ZMAT4: variants seen among roughly 807,000 people sequenced by gnomAD.
ZMAT4 encodes zinc finger matrin-type 4, also known as zinc finger matrin-type protein 4.
A neutral mutation model predicts 28.7 loss-of-function variants in ZMAT4; 17 were observed. That is an observed-to-expected ratio of 0.59 (90% CI 0.41 to 0.89). The LOEUF is 0.89. Among genes scored for constraint, ZMAT4 ranks in the 40% least tolerant of loss-of-function variants. The probability of loss-of-function intolerance (pLI) is 0.00; values close to 1 mark genes in which losing one functional copy is unlikely to be tolerated. For missense variants in ZMAT4, 240 were observed against 283.8 expected, an observed-to-expected ratio of 0.85 and a Z score of 1.11; for synonymous variants, 117 against 109.2, an observed-to-expected ratio of 1.07 and a Z score of -0.44.
In ZMAT4 at chr8:40,649,791, A is replaced by C. The variant is rs531902926; in HGVS notation, c.577+24913T>G. Reference sequence around the variant, plus strand: ...TAATCTCACTCAAAACCGCTCAACTACATGGAAACTGAACAACCTGCTCCT... The same window carrying C: ...TAATCTCACTCAAAACCGCTCAACTCCATGGAAACTGAACAACCTGCTCCT... On this transcript the variant is annotated intron_variant, in intron 5 of 6. Transcript: ENST00000297737. Among the ~76,000 whole-genome samples, 889 of 152,236 alleles carry C rather than the reference A, an allele frequency of 5.8e-3. 9 individuals are homozygous for C. Among genetic ancestry groups the C allele is most frequent in the African/African-American group, 0.02 (846 of 41,508 alleles).
At chr8:40,726,359 T>A (rs1344505723) in intron 3 of ZMAT4, among the ~76,000 whole-genome samples, 5 of 152,228 alleles carry the variant, frequency 3.3e-5, no homozygotes, top group African/African-American at 1.2e-4. Context: ...CAGAGGAGTG[T>A]AGCCAAACAT....
At chr8:40,876,119 A>T (rs1030747346) in intron 1 of ZMAT4, among the ~76,000 whole-genome samples, 2 of 152,124 alleles carry the variant, frequency 1.3e-5, no homozygotes, top group African/African-American at 4.8e-5. Flanking sequence ...AAAGAAATAC[A>T]GTTGACCTTT....
intron 2 of ZMAT4, among the ~76,000 whole-genome samples, chr8:40,817,389 G>A (rs190246064): frequency 2.0e-5 from 3 of 152,236 alleles, no homozygotes; most frequent in South Asian, 4.1e-4. Context: ...GAGAATAATG[G>A]ACAGGAAAGA....
chr8:40,848,546 C>G (rs779476688), intron 1 of ZMAT4, among the ~76,000 whole-genome samples: 1 of 152,114 alleles, frequency 6.6e-6, no homozygotes, highest in Admixed American at 6.5e-5. Flanking sequence ...GGGACACAGG[C>G]AGCAAGCTGT....
At chr8:40,865,088 A>G (rs1348581635) in intron 1 of ZMAT4, among the ~76,000 whole-genome samples, 5 of 152,166 alleles carry the variant, frequency 3.3e-5, no homozygotes, top group African/African-American at 1.2e-4. Context: ...TTGATGCAAG[A>G]TTCCCTTTAA....
At chr8:40,544,129 A>G (rs1803124798) in intron 6 of ZMAT4, among the ~76,000 whole-genome samples, 1 of 152,184 alleles carries the variant, frequency 6.6e-6, no homozygotes, top group Non-Finnish European at 1.5e-5. Flanking sequence ...CCTGGCCAGC[A>G]CTAATGAACT....
At chr8:40,797,724 C>T (rs1814657944) in intron 2 of ZMAT4, among the ~76,000 whole-genome samples, 2 of 152,150 alleles carry the variant, frequency 1.3e-5, no homozygotes, top group Non-Finnish European at 2.9e-5. Context: ...GTACAGCACT[C>T]GGTCCTCAGT....
intron 2 of ZMAT4, among the ~76,000 whole-genome samples, chr8:40,773,195 C>A (rs550058374): frequency 6.6e-6 from 1 of 152,222 alleles, no homozygotes; most frequent in South Asian, 2.1e-4. Flanking sequence ...ACTCCGTGTA[C>A]CTAGAATGAA....
intron 1 of ZMAT4, among the ~76,000 whole-genome samples, chr8:40,839,262 C>T (rs1052015729): frequency 6.6e-6 from 1 of 152,160 alleles, no homozygotes; most frequent in East Asian, 1.9e-4. Context: ...CAGAGGCTGG[C>T]GAGACGAAAG....
chr8:40,592,099 TG>T (rs1001175224), intron 5 of ZMAT4, among the ~76,000 whole-genome samples: 2 of 152,030 alleles, frequency 1.3e-5, no homozygotes, highest in African/African-American at 4.8e-5. Flanking sequence ...CTAGTTGAAA[TG>T]GGGGGTAGGG....
intron 5 of ZMAT4, among the ~76,000 whole-genome samples, chr8:40,606,822 T>A (rs1805607124): frequency 6.6e-6 from 1 of 152,226 alleles, no homozygotes; most frequent in Non-Finnish European, 1.5e-5. Context: ...ATTTCTCTTC[T>A]TCATAGGGAA....
chr8:40,682,427 G>T (rs1220008185), intron 4 of ZMAT4, among the ~76,000 whole-genome samples: 2 of 152,182 alleles, frequency 1.3e-5, no homozygotes, highest in South Asian at 2.1e-4. Flanking sequence ...GAGAAAAGCA[G>T]TTGTCCCACT....
intron 6 of ZMAT4, among the ~76,000 whole-genome samples, chr8:40,536,339 C>T (rs560598343): frequency 1.3e-5 from 2 of 152,328 alleles, no homozygotes; most frequent in East Asian, 3.9e-4. Flanking sequence ...TGTCCTACTC[C>T]TGGTCTGTGG....
intron 3 of ZMAT4, among the ~76,000 whole-genome samples, chr8:40,732,834 C>CTTTTTTTTTTTT (rs11461186): frequency 6.0e-5 from 4 of 67,022 alleles, no homozygotes; most frequent in African/African-American, 1.7e-4. Flanking sequence ...GCAAGACCTC[C>CTTTTTTTTTTTT]TTTTTTTTTT....
intron 1 of ZMAT4, among the ~76,000 whole-genome samples, chr8:40,876,167 A>G (rs1267359142): frequency 1.3e-5 from 2 of 151,968 alleles, no homozygotes; most frequent in Non-Finnish European, 2.9e-5. Context: ...TTATTTTCTT[A>G]TTTTCTTCTG....
At chr8:40,731,783 G>A (rs1009555840) in intron 3 of ZMAT4, among the ~76,000 whole-genome samples, 46 of 152,230 alleles carry the variant, frequency 3.0e-4, no homozygotes, top group Non-Finnish European at 5.6e-4. Context: ...CACGTTCACA[G>A]CAGCTTGACT....
At chr8:40,789,408 G>T (rs939488527) in intron 2 of ZMAT4, among the ~76,000 whole-genome samples, 5 of 152,130 alleles carry the variant, frequency 3.3e-5, no homozygotes. Context: ...GCAAGAAAAA[G>T]AAATTCAGTG....
chr8:40,881,997 C>A (rs1818297426), intron 1 of ZMAT4, among the ~76,000 whole-genome samples: 2 of 152,168 alleles, frequency 1.3e-5, no homozygotes, highest in Admixed American at 1.3e-4. Context: ...AGAGGACACC[C>A]TTTCACCCAA....
chr8:40,802,388 A>G (rs1449671462), intron 2 of ZMAT4, among the ~76,000 whole-genome samples: 3 of 152,240 alleles, frequency 2.0e-5, no homozygotes, highest in Admixed American at 2.0e-4. Flanking sequence ...GTCACAGAAT[A>G]CAAGGCTAGT....
Sources: allele counts gnomAD v4.1 joint callset (sites outside exome capture counted in the v4.1 genomes callset), GRCh38; gene constraint gnomAD v4.1.1; transcripts MANE v1.5; gene names NCBI Gene and HGNC (gene_info 2026-07-23, HGNC 2026-07-21).